ERG: variants seen among roughly 807,000 people sequenced by gnomAD.
ERG encodes the protein ETS transcription factor ERG, also known as transcriptional regulator ERG.
In ERG, 9 loss-of-function variants were observed where a neutral mutation model predicts 55.3. The ratio of observed to expected loss-of-function variants is 0.16; its 90% CI spans 0.10 to 0.28. The LOEUF is 0.28. ERG is among the 10% of genes least tolerant of loss of function. The probability of loss-of-function intolerance (pLI) is 1.00; values close to 1 mark genes in which losing one functional copy is unlikely to be tolerated. For missense variants in ERG, 434 were observed against 631.6 expected (o/e 0.69, Z 3.35); for synonymous variants, 223 against 237.3 (o/e 0.94, Z 0.55).
chr21:38,573,286 C>G (rs2059971337), intron 2 of ERG, among the ~76,000 whole-genome samples: 1 of 152,190 alleles, frequency 6.6e-6, no homozygotes, highest in Admixed American at 6.5e-5. Context: ...CTGACTGTCC[C>G]CCAGCCCGAC....
intron 1 of ERG, among the ~76,000 whole-genome samples, chr21:38,623,045 CCA>C (rs926633635): frequency 7.1e-5 from 10 of 140,960 alleles, no homozygotes; most frequent in Non-Finnish European, 6.2e-5. Flanking sequence ...ACACACAAGA[CCA>C]CACACACACA....
chr21:38,378,452 T>C (rs1396852126), downstream of ERG, among the ~76,000 whole-genome samples: 1 of 152,220 alleles, frequency 6.6e-6, no homozygotes, highest in Non-Finnish European at 1.5e-5. Context: ...CCACCTTTAG[T>C]CCAGATGTTA....
intron 5 of ERG, 102 bp from the exon 6 acceptor site, chr21:38,400,747 G>A (rs1988450562): frequency 8.3e-6 from 7 of 845,778 alleles, no homozygotes; most frequent in South Asian, 1.7e-5. Context: ...ACAAAGGGAA[G>A]AGACCTCCTC....
chr21:38,534,927 TC>T (rs1197546057), intron 2 of ERG, among the ~76,000 whole-genome samples: 5 of 152,280 alleles, frequency 3.3e-5, no homozygotes, highest in Non-Finnish European at 5.9e-5. Context: ...TATAGATGAA[TC>T]TTTTTTTAAA....
intron 1 of ERG, among the ~76,000 whole-genome samples, chr21:38,610,373 A>G (rs1419604033): frequency 6.6e-6 from 1 of 152,246 alleles, no homozygotes; most frequent in African/African-American, 2.4e-5. Flanking sequence ...GCGGGCTTCT[A>G]TGCAAACGGC....
intron 1 of ERG, among the ~76,000 whole-genome samples, chr21:38,646,669 G>A (rs1444935050): frequency 6.6e-6 from 1 of 152,144 alleles, no homozygotes; most frequent in East Asian, 1.9e-4. Flanking sequence ...TGAGTCAGTT[G>A]CCTTTTAATG....
At chr21:38,483,756 G>A (rs984555789) in intron 1 of ERG, among the ~76,000 whole-genome samples, 1 of 152,112 alleles carries the variant, frequency 6.6e-6, no homozygotes, top group African/African-American at 2.4e-5. Context: ...CCAGCTACTC[G>A]GGAGGCTGAG....
At chr21:38,439,826 G>C (rs986336814) in intron 2 of ERG, among the ~76,000 whole-genome samples, 1 of 152,210 alleles carries the variant, frequency 6.6e-6, no homozygotes, top group South Asian at 2.1e-4. Flanking sequence ...AGCACGTTAG[G>C]ACTGAGGTTT....
chr21:38,603,896 T>C (rs1206602557), intron 1 of ERG, among the ~76,000 whole-genome samples: 5 of 151,540 alleles, frequency 3.3e-5, no homozygotes, highest in Admixed American at 2.6e-4. Context: ...AGAATAGAGG[T>C]TTTCCTCCTT....
intron 1 of ERG, among the ~76,000 whole-genome samples, chr21:38,577,719 G>A (rs576252525): frequency 5.3e-5 from 8 of 152,204 alleles, no homozygotes; most frequent in South Asian, 4.1e-4. Context: ...GAAGGGGAGC[G>A]TCTGCAAGCC....
chr21:38,607,153 G>A (rs867191576), intron 1 of ERG, among the ~76,000 whole-genome samples: 1 of 152,154 alleles, frequency 6.6e-6, no homozygotes, highest in Non-Finnish European at 1.5e-5. Context: ...AGTGCTGCTG[G>A]AAAATAACTG....
the ERG span, among the ~76,000 whole-genome samples, chr21:38,374,146 C>A: frequency 1.3e-5 from 2 of 152,204 alleles, no homozygotes; most frequent in African/African-American, 4.8e-5. Flanking sequence ...TGTGTGCAGC[C>A]AATTTTTCGC....
chr21:38,473,794 ATGTG>A (rs35189269), intron 1 of ERG, among the ~76,000 whole-genome samples: 11 of 151,558 alleles, frequency 7.3e-5, no homozygotes, highest in Non-Finnish European at 8.8e-5. Flanking sequence ...AAATATATAT[ATGTG>A]TGTGTGTGTG....
chr21:38,390,979 A>G lies in ERG; in HGVS notation c.919+16T>C. Reference sequence around the variant, plus strand: ...AAAGTAATTTTGTAAGAAGAAAATCATCAGCAGTTTCTCACCTGGATTTGC... The same window carrying G: ...AAAGTAATTTTGTAAGAAGAAAATCGTCAGCAGTTTCTCACCTGGATTTGC... On this transcript the variant is annotated intron_variant, in intron 9 of 9. Transcript: ENST00000288319. 1.2e-6 allele frequency: 2 copies of G among 1,607,432 alleles called. No individual in the cohort carries two copies. The highest frequency in any genetic ancestry group is 1.7e-6 in the Non-Finnish European group (2 of 1,174,484).
intron 1 of ERG, among the ~76,000 whole-genome samples, chr21:38,483,096 T>C (rs2059252431): frequency 6.6e-6 from 1 of 152,202 alleles, no homozygotes; most frequent in South Asian, 2.1e-4. Context: ...CTCACTTATA[T>C]GTAAAATCTA....
At chr21:38,655,455 T>C (rs568556101) in intron 1 of ERG, among the ~76,000 whole-genome samples, 4 of 152,342 alleles carry the variant, frequency 2.6e-5, no homozygotes, top group Admixed American at 6.5e-5. Context: ...AGCATTGCAC[T>C]AGCATTCAGC....
At chr21:38,436,319 A>T (rs1490434249) in intron 2 of ERG, among the ~76,000 whole-genome samples, 1 of 152,222 alleles carries the variant, frequency 6.6e-6, no homozygotes, top group South Asian at 2.1e-4. Flanking sequence ...AGGTGAACTG[A>T]CCTGATGTGA....
intron 3 of ERG, among the ~76,000 whole-genome samples, chr21:38,405,750 C>T (rs1424367107): frequency 6.6e-6 from 1 of 152,126 alleles, no homozygotes; most frequent in Non-Finnish European, 1.5e-5. Context: ...CTGGCCTTGG[C>T]TGAGTACCTA....
At chr21:38,431,872 G>A (rs1415029169) in intron 2 of ERG, among the ~76,000 whole-genome samples, 6 of 152,160 alleles carry the variant, frequency 3.9e-5, no homozygotes, top group Admixed American at 6.5e-5. Flanking sequence ...AGAGCAGGAC[G>A]CTCCCTGCAC....
Sources: allele counts gnomAD v4.1 joint callset (sites outside exome capture counted in the v4.1 genomes callset), GRCh38; gene constraint gnomAD v4.1.1; transcripts MANE v1.5; gene names NCBI Gene and HGNC (gene_info 2026-07-23, HGNC 2026-07-21).